Variants in LHX8 observed in about 807,000 individuals in gnomAD.
LHX8 encodes the protein LIM/homeobox protein Lhx8.
Under a neutral mutation model 40.3 loss-of-function variants are expected in LHX8, and 12 were observed. The ratio of observed to expected loss-of-function variants is 0.30; its 90% CI spans 0.19 to 0.48. LHX8 has a LOEUF of 0.48. LHX8 is among the 20% of genes least tolerant of loss of function. LHX8 has a pLI of 0.99. For missense variants in LHX8, 344 were observed against 433.7 expected (o/e 0.79, Z 1.84); for synonymous variants, 179 against 162.0 (o/e 1.10, Z -0.80).
At chr1:75,198,520 C>T in the LHX8 span, among the ~76,000 whole-genome samples, 1 of 152,118 alleles carries the variant, frequency 6.6e-6, no homozygotes, top group Admixed American at 6.5e-5. Flanking sequence ...GTTGAGGAAG[C>T]CTTTGAGCAG....
At chr1:75,162,338 C>G (rs1648937478), downstream of LHX8, among the ~76,000 whole-genome samples, 2 of 151,694 alleles carry the variant, frequency 1.3e-5, no homozygotes, top group Non-Finnish European at 2.9e-5. Context: ...TGATGCTAAT[C>G]TCTGTGGGTT....
At chr1:75,179,603 C>T in the LHX8 span, among the ~76,000 whole-genome samples, 1 of 148,790 alleles carries the variant, frequency 6.7e-6, no homozygotes, top group African/African-American at 2.5e-5. Flanking sequence ...AGATGGGTCT[C>T]CTGAATACAG....
rs373880349 is a variant in LHX8, at chr1:75,140,989, A to T, written c.242A>T (p.Asn81Ile). 2 of 1,613,476 alleles carry T rather than the reference A, an allele frequency of 1.2e-6. No homozygotes were observed. The highest frequency in any genetic ancestry group is 1.7e-6 in the Non-Finnish European group (2 of 1,179,612). Residue 81 changes from asparagine to isoleucine, a missense_variant, in exon 4 of 9, where the codon AAT becomes ATT. This residue lies in a region of LHX8 where 147 missense variants were observed against 250.8 expected (regional missense o/e 0.59). Transcript: ENST00000356261. ...TGGCTTCTCTTCCCTTCACAGGTGA[A>T]TGACCTATGCTGGCATGTCCGGTGT... The part of the protein sequence containing the change: ...EIVDKYLLKV[N>I]DLCWHVRCLS...
chr1:75,163,014 A>T (rs1005640688), downstream of LHX8, among the ~76,000 whole-genome samples: 45 of 53,326 alleles, frequency 8.4e-4, no homozygotes, highest in Non-Finnish European at 1.4e-3. Context: ...AGAGGGTAGG[A>T]TACCTTTTTT....
At chr1:75,146,304 A>C (rs1368347701) in intron 6 of LHX8, among the ~76,000 whole-genome samples, 1 of 152,136 alleles carries the variant, frequency 6.6e-6, no homozygotes, top group Non-Finnish European at 1.5e-5. Flanking sequence ...AATTTTCCAA[A>C]ATTATTCTAT....
chr1:75,155,485 T>C lies in LHX8; in HGVS notation c.781-1408T>C, dbSNP rs191165223. On this transcript the variant is annotated intron_variant, in intron 7 of 8. Transcript: ENST00000356261. ...TCCTGACCTTGTGATTCGCCCGCCT[T>C]GGCCTCCCAAAGTGCTGGGATTACA... 2.0e-3 allele frequency among the ~76,000 whole-genome samples: 298 copies of C among 152,184 alleles called. 3 individuals carry two copies. The highest frequency in any genetic ancestry group is 0.013 in the South Asian group (61 of 4,820).
intron 7 of LHX8, among the ~76,000 whole-genome samples, chr1:75,152,412 A>T (rs1648635288): frequency 6.6e-6 from 1 of 152,218 alleles, no homozygotes; most frequent in Non-Finnish European, 1.5e-5. Flanking sequence ...CTTTCAGATA[A>T]GTGAATTATG....
intron 6 of LHX8, among the ~76,000 whole-genome samples, chr1:75,144,291 A>G (rs776564567): frequency 3.9e-5 from 6 of 152,140 alleles, no homozygotes; most frequent in South Asian, 2.1e-4. Flanking sequence ...TGGAAGACAA[A>G]ATATTTTGAG....
chr1:75,175,615 T>G, the LHX8 span, among the ~76,000 whole-genome samples: 1 of 152,190 alleles, frequency 6.6e-6, no homozygotes, highest in Admixed American at 6.5e-5. Flanking sequence ...TTTTGAGAAT[T>G]GTATATTCAT....
At chr1:75,178,087 T>A in the LHX8 span, among the ~76,000 whole-genome samples, 1 of 152,226 alleles carries the variant, frequency 6.6e-6, no homozygotes, top group African/African-American at 2.4e-5. Flanking sequence ...CAGTATTTTA[T>A]TGAGGATTTT....
At chr1:75,172,725 T>C in the LHX8 span, among the ~76,000 whole-genome samples, 3 of 152,220 alleles carry the variant, frequency 2.0e-5, no homozygotes, top group Admixed American at 6.5e-5. Context: ...GAACAGTCTT[T>C]GGAGATCATC....
Position 75,139,478 on chromosome 1 carries a change from T to C in LHX8, c.238-1507T>C, listed in dbSNP as rs1001375024. On this transcript the variant is annotated intron_variant, in intron 3 of 8. Coordinates refer to ENST00000356261, the MANE Select transcript of LHX8 (RefSeq NM_001256114.2). ...AAACAAAACAAAATCCTGGGTAAGA[T>C]TGAAATACAGAAGGCCCTAAACAGT... Among the ~76,000 whole-genome samples, 7 of 152,196 alleles carry C rather than the reference T, an allele frequency of 4.6e-5. No individual in the cohort carries two copies. The East Asian group carries it at 5.8e-4, about 13-fold the overall frequency.
At chr1:75,140,679 T>C (rs554669942) in intron 3 of LHX8, among the ~76,000 whole-genome samples, 2 of 152,278 alleles carry the variant, frequency 1.3e-5, no homozygotes, top group South Asian at 2.1e-4. Flanking sequence ...ATTCCCTGTG[T>C]TCATAAAGAT....
intron 3 of LHX8, among the ~76,000 whole-genome samples, chr1:75,138,517 T>C (rs1200902541): frequency 6.6e-6 from 1 of 152,228 alleles, no homozygotes; most frequent in Non-Finnish European, 1.5e-5. Flanking sequence ...AACATTGGCT[T>C]TCTCTTTAAA....
At chr1:75,155,033 G>T (rs1557493902) in intron 7 of LHX8, among the ~76,000 whole-genome samples, 3 of 151,970 alleles carry the variant, frequency 2.0e-5, no homozygotes, top group South Asian at 4.2e-4. Context: ...AATCAGCCCT[G>T]ATTGCCTTGT....
the LHX8 span, among the ~76,000 whole-genome samples, chr1:75,191,119 C>A: frequency 6.6e-6 from 1 of 152,032 alleles, no homozygotes; most frequent in Non-Finnish European, 1.5e-5. Context: ...AAACTTTGAG[C>A]CCTTCCCCTG....
chr1:75,144,997 G>A (rs929321519), intron 6 of LHX8, among the ~76,000 whole-genome samples: 3 of 152,050 alleles, frequency 2.0e-5, no homozygotes, highest in African/African-American at 4.8e-5. Flanking sequence ...CCAAGGGAAC[G>A]TGGCAATGGG....
At chr1:75,144,269 A>G (rs1648402262) in intron 6 of LHX8, among the ~76,000 whole-genome samples, 1 of 152,166 alleles carries the variant, frequency 6.6e-6, no homozygotes, top group African/African-American at 2.4e-5. Flanking sequence ...ATATTACTAC[A>G]CATAATTGCA....
At chr1:75,167,484 C>G in the LHX8 span, among the ~76,000 whole-genome samples, 2 of 152,148 alleles carry the variant, frequency 1.3e-5, no homozygotes, top group Non-Finnish European at 2.9e-5. Flanking sequence ...CTCCATTTCT[C>G]TTTTCCTGAC....
Sources: allele counts gnomAD v4.1 joint callset (sites outside exome capture counted in the v4.1 genomes callset), GRCh38; gene constraint gnomAD v4.1.1; regional missense constraint gnomAD v4.1.1; transcripts MANE v1.5; gene names NCBI Gene and HGNC (gene_info 2026-07-23, HGNC 2026-07-21).